The following BRSK1 variants were observed in gnomAD, a reference collection of about 807,000 sequenced individuals.
BRSK1 encodes BR serine/threonine kinase 1.
Under a neutral mutation model 86.2 loss-of-function variants are expected in BRSK1, and 17 were observed. The ratio of observed to expected loss-of-function variants is 0.20; its 90% CI spans 0.14 to 0.30. The LOEUF (loss-of-function observed/expected upper bound fraction) is 0.30, where lower values mean the gene tolerates loss of function less well. Ranked by LOEUF, BRSK1 falls within the 10% of genes least tolerant of loss-of-function variation. The pLI is 1.00. For synonymous variants in BRSK1, 464 were observed against 440.1 expected (o/e 1.05, Z -0.68); for missense variants, 719 against 1,071.9 (o/e 0.67, Z 4.60).
intron 15 of BRSK1, 38 bp downstream of exon 15, chr19:55,305,407 G>A (rs35949773): frequency 0.088 from 141,349 of 1,613,990 alleles, 6,935 homozygotes; most frequent in Middle Eastern, 0.12. Context: ...GGGATGCAGG[G>A]GATTCATGCC....
intron 16 of BRSK1, among the ~76,000 whole-genome samples, chr19:55,305,932 A>G (rs1177529501): frequency 6.6e-6 from 1 of 152,094 alleles, no homozygotes; most frequent in Non-Finnish European, 1.5e-5. Context: ...TGGGACTTAG[A>G]GTTTCTGTGA....
rs2088588344 is a variant in BRSK1, at chr19:55,302,597, G to T, written c.858-100G>T. ...TGGGTATGAGAGAGAAGGGGCCGGG[G>T]CCTAGACTCGGATTTCGGGGTCCGG... is the stretch of plus-strand genomic sequence containing the variant. On this transcript the variant is annotated intron_variant, in intron 9 of 18. Transcript: ENST00000309383. This position sits in a 1 kb window ranked among gnomAD's most constrained non-coding sequence, Gnocchi z 6.3. The T allele has an allele frequency of 4.0e-5, 58 of 1,448,010 alleles. No individual in the cohort carries two copies. Among genetic ancestry groups the T allele is most frequent in the Non-Finnish European group, 5.3e-5 (56 of 1,063,740 alleles). 89.7% of individuals were successfully genotyped at this position (1,448,010 alleles called of 1,614,324 possible). A position where few individuals can be genotyped will look rare whatever the true frequency, so the allele number is the denominator to read the frequency against.
chr19:55,289,508 G>T lies in BRSK1; in HGVS notation c.346G>T (p.Gly116Cys). The T allele has an allele frequency of 6.2e-7, 1 of 1,613,930 alleles. No homozygotes were observed. Among genetic ancestry groups the T allele is most frequent in the Non-Finnish European group, 8.5e-7 (1 of 1,179,940 alleles). ...LYLVLEHVSG[G>C]ELFDYLVKKG... ...CCTGGTTCTGGAGCACGTCTCGGGGGGTGAGCTATTCGACTACCTGGTAAA... is the reference window on the plus strand; with the variant it reads ...CCTGGTTCTGGAGCACGTCTCGGGGTGTGAGCTATTCGACTACCTGGTAAA... Residue 116 changes from glycine to cysteine, a missense_variant, in exon 4 of 19, where the codon GGT (glycine) becomes TGT (cysteine). By Grantham distance (159) the Gly-to-Cys change is radical. Coordinates refer to ENST00000309383, the MANE Select transcript of BRSK1 (RefSeq NM_032430.2).
chr19:55,312,170 G>T lies in BRSK1; in HGVS notation c.*102G>T, dbSNP rs2088816704. 2 of 576,760 alleles carry T rather than the reference G, an allele frequency of 3.5e-6. No homozygotes were observed. The highest frequency in any genetic ancestry group is 3.7e-5 in the Admixed American group (1 of 26,818). 35.7% of individuals were successfully genotyped at this position (576,760 alleles called of 1,614,324 possible). Reference sequence around the variant, plus strand: ...GCCCAAGGAACATGTCGGGAGGGGGGTGGACACAAAAACCGGCCTTGCCCT... The same window carrying T: ...GCCCAAGGAACATGTCGGGAGGGGGTTGGACACAAAAACCGGCCTTGCCCT... On this transcript the variant is annotated 3_prime_UTR_variant, in exon 19 of 19. Coordinates refer to ENST00000309383, the MANE Select transcript of BRSK1 (RefSeq NM_032430.2).
chr19:55,311,588 G>A (rs929882959), intron 18 of BRSK1, among the ~76,000 whole-genome samples: 2 of 152,158 alleles, frequency 1.3e-5, no homozygotes, highest in African/African-American at 2.4e-5. Context: ...GTTTCCTAGC[G>A]AACAGTATCA....
intron 8 of BRSK1, 28 bp downstream of exon 8, chr19:55,301,686 G>C (rs1433576904): frequency 6.2e-7 from 1 of 1,601,142 alleles, no homozygotes; most frequent in Non-Finnish European, 8.5e-7. Flanking sequence ...CCGGCGGAGG[G>C]GGGAACAGTG....
chr19:55,305,683 C>T (rs1025258620), intron 16 of BRSK1, 97 bp downstream of exon 16: 3 of 1,545,014 alleles, frequency 1.9e-6, no homozygotes, highest in African/African-American at 2.8e-5. Context: ...CTGGCTTCCT[C>T]CTGGGGCTCA....
chr19:55,301,443 TC>T, intron 7 of BRSK1, 68 bp from the exon 8 acceptor site: 2 of 1,548,500 alleles, frequency 1.3e-6, no homozygotes, highest in Non-Finnish European at 1.8e-6. Flanking sequence ...TCACCGTAGT[TC>T]CCCACCTCCA....
chr19:55,294,524 CAG>C lies in BRSK1; in HGVS notation c.678+130_678+131del. 1 of 1,224,672 alleles carries C rather than the reference CAG, an allele frequency of 8.2e-7. No homozygotes were observed. The highest frequency in any genetic ancestry group is 1.1e-6 in the Non-Finnish European group (1 of 885,118). 75.9% of individuals were successfully genotyped at this position (1,224,672 alleles called of 1,614,324 possible). Reference sequence around the variant, plus strand: ...TGAATTTTATTTATTTATTTTGAGACAGAGTCTTGCCCCGTCGCCTAGGCTGG... The same window carrying C: ...TGAATTTTATTTATTTATTTTGAGACAGTCTTGCCCCGTCGCCTAGGCTGG... On this transcript the variant is annotated intron_variant, in intron 7 of 18. Coordinates refer to ENST00000309383, the MANE Select transcript of BRSK1 (RefSeq NM_032430.2). The surrounding 1 kb of genome is among the most constrained non-coding windows in gnomAD (Gnocchi z 4.9).
In BRSK1 at chr19:55,306,182, C is replaced by T; in HGVS notation, c.1891-70C>T. 2 of 1,526,446 alleles carry T rather than the reference C, an allele frequency of 1.3e-6. No individual in the cohort carries two copies. Among genetic ancestry groups the T allele is most frequent in the Non-Finnish European group, 9.0e-7 (1 of 1,115,276 alleles). 94.6% of individuals were successfully genotyped at this position (1,526,446 alleles called of 1,614,324 possible). A position where few individuals can be genotyped will look rare whatever the true frequency, so the allele number is the denominator to read the frequency against. On this transcript the variant is annotated intron_variant, in intron 16 of 18. Transcript: ENST00000309383. This position sits in a 1 kb window ranked among gnomAD's most constrained non-coding sequence, Gnocchi z 4.7. ...GCTCATGGGACTCGTAGTTCCTTGG[C>T]CAGAGCTGGTCGTGGGGCTGGGTAT...
chr19:55,302,481 G>T lies in BRSK1; in HGVS notation c.858-216G>T, dbSNP rs1032352949. 1.5e-6 allele frequency: 1 copy of T among 649,394 alleles called. No individual in the cohort carries two copies. The highest frequency in any genetic ancestry group is 2.6e-6 in the Non-Finnish European group (1 of 382,418). 40.2% of individuals were successfully genotyped at this position (649,394 alleles called of 1,614,324 possible). A position where few individuals can be genotyped will look rare whatever the true frequency, so the allele number is the denominator to read the frequency against. On this transcript the variant is annotated intron_variant, in intron 9 of 18. Transcript: ENST00000309383. The surrounding 1 kb of genome is among the most constrained non-coding windows in gnomAD (Gnocchi z 6.3). The stretch of plus-strand genomic sequence containing the variant: ...TGGGTCTGAAGAAGGAGGGGCCGGG[G>T]GCCTGGACCCCTCGGTCGGAGGGAA...
At position 55,312,023 on chromosome 19, in the gene BRSK1, C is replaced by G. The variant is rs532657426; in HGVS notation, c.2292C>G (p.Pro764=). The change falls in exon 19 of 19, where the codon CCC becomes CCG. Residue 764 remains proline, a synonymous_variant. Transcript: ENST00000309383. The part of the protein sequence containing the change: ...ELSSSPRRGP[P]KDKKLLATNG... ...GCAGCTCTCCCCGCCGAGGCCCCCC[C>G]AAGGACAAGAAGCTCCTGGCCACCA... The G allele has an allele frequency of 2.0e-5, 30 of 1,509,498 alleles. No individual in the cohort carries two copies. In the African/African-American group the frequency reaches 3.9e-4, roughly 20 times the overall value. 93.5% of individuals were successfully genotyped at this position (1,509,498 alleles called of 1,614,324 possible). A position where few individuals can be genotyped will look rare whatever the true frequency, so the allele number is the denominator to read the frequency against.
Position 55,284,017 on chromosome 19 carries a change from C to A in BRSK1, c.-426C>A. 1 of 1,230,494 alleles carries A rather than the reference C, an allele frequency of 8.1e-7. No individual in the cohort carries two copies. The highest frequency in any genetic ancestry group is 3.8e-5 in the South Asian group (1 of 26,236). The allele number at this position is 1,230,494 out of a possible 1,614,324, so 76.2% of individuals were successfully genotyped here. On this transcript the variant is annotated 5_prime_UTR_variant, in exon 1 of 19. Transcript: ENST00000309383. ...TCCCCGGATGGTGATGTCAGCGTGC[C>A]GGAGAGAAAGGACGAGGTGGCGGGG...
intron 7 of BRSK1, among the ~76,000 whole-genome samples, chr19:55,299,513 G>A (rs981075616): frequency 1.3e-5 from 2 of 151,646 alleles, no homozygotes; most frequent in Non-Finnish European, 2.9e-5. Context: ...AGCCACCCGA[G>A]TAGCTGGGAT....
Position 55,304,397 on chromosome 19 carries a change from T to C in BRSK1, c.1348-154T>C, listed in dbSNP as rs1319475239. ...CCACAGCATGATAGAAAGTCTTTGC[T>C]ATCCTTGCTCTGGGGCCTGGGAAGG... On this transcript the variant is annotated intron_variant, in intron 13 of 18. Transcript: ENST00000309383. This position sits in a 1 kb window ranked among gnomAD's most constrained non-coding sequence, Gnocchi z 5.2. Among the ~76,000 whole-genome samples, 1 of 152,190 alleles carries C rather than the reference T, an allele frequency of 6.6e-6. No homozygotes were observed. Among genetic ancestry groups the C allele is most frequent in the Non-Finnish European group, 1.5e-5 (1 of 68,034 alleles).
rs776025614 is a variant in BRSK1, at chr19:55,305,541, A to G, written c.1845A>G (p.Lys615=). Residue 615 remains lysine (K), a synonymous_variant, in exon 16 of 19, where the codon AAA becomes AAG. Coordinates refer to ENST00000309383, the MANE Select transcript of BRSK1 (RefSeq NM_032430.2). The part of the protein sequence containing the change: ...EEQIFLVLKD[K]PLSSIKADIV... Reference sequence around the variant, plus strand: ...AAATATTCCTCGTGCTAAAGGACAAACCTCTCAGCAGCATCAAAGCAGACA... The same window carrying G: ...AAATATTCCTCGTGCTAAAGGACAAGCCTCTCAGCAGCATCAAAGCAGACA... The G allele has an allele frequency of 1.2e-6, 2 of 1,614,092 alleles. No homozygotes were observed. The highest frequency in any genetic ancestry group is 1.1e-5 in the South Asian group (1 of 91,080).
In BRSK1 at chr19:55,310,480, A is replaced by G. The variant is rs544804196; in HGVS notation, c.2180-1431A>G. ...AGGATCTCTTCTGCTGCATCAAGAA[A>G]CATAGTCACAAGTTCTCGGTATTTG... On this transcript the variant is annotated intron_variant, in intron 18 of 18. Transcript: ENST00000309383. The surrounding 1 kb of genome is among the most constrained non-coding windows in gnomAD (Gnocchi z 5.0). 6.6e-6 allele frequency among the ~76,000 whole-genome samples: 1 copy of G among 152,124 alleles called. No individual in the cohort carries two copies. Among genetic ancestry groups the G allele is most frequent in the African/African-American group, 2.4e-5 (1 of 41,504 alleles).
At position 55,291,258 on chromosome 19, in the gene BRSK1, G is replaced by T. The variant is rs577986082; in HGVS notation, c.458+1638G>T. On this transcript the variant is annotated intron_variant, in intron 4 of 18. Coordinates refer to ENST00000309383, the MANE Select transcript of BRSK1 (RefSeq NM_032430.2). ...TCCACTTTTAAAGATTTTTTTTTTGGCTGGGCATGGTAGCACATGCCTGTA... is the reference window on the plus strand; with the variant it reads ...TCCACTTTTAAAGATTTTTTTTTTGTCTGGGCATGGTAGCACATGCCTGTA... Among the ~76,000 whole-genome samples, 27 of 151,652 alleles carry T rather than the reference G, an allele frequency of 1.8e-4. No homozygotes were observed. In the East Asian group the frequency reaches 5.3e-3, roughly 30 times the overall value.
chr19:55,307,780 ACACACAC>A lies in BRSK1; in HGVS notation c.2090-858_2090-852del, dbSNP rs1399389658. ...CACACACACACACACACACACACAC[ACACACAC>A]AATTTAAAAAAAAAAAAAAAGCCCA... On this transcript the variant is annotated intron_variant, in intron 17 of 18. Transcript: ENST00000309383. Among the ~76,000 whole-genome samples the A allele has an allele frequency of 2.6e-3, 317 of 120,766 alleles. 3 individuals are homozygous for A. The highest frequency in any genetic ancestry group is 9.5e-3 in the African/African-American group (302 of 31,930). The allele number at this position is 120,766 out of a possible 152,430, so 79.2% of individuals were successfully genotyped here. A position where few individuals can be genotyped will look rare whatever the true frequency, so the allele number is the denominator to read the frequency against.
Sources: gnomAD v4.1 joint callset for allele counts (sites outside exome capture counted in the v4.1 genomes callset) on GRCh38, gnomAD v4.1.1 for gene constraint, Gnocchi (gnomAD v3.1) non-coding constraint, MANE v1.5 for transcripts, NCBI Gene and HGNC (gene_info 2026-07-23, HGNC 2026-07-21) for gene names.